ASH1L: variants seen among roughly 807,000 people sequenced by gnomAD.
ASH1L encodes histone-lysine N-methyltransferase ASH1L.
In ASH1L, 23 loss-of-function variants were observed where a neutral mutation model predicts 269.0. The observed-to-expected ratio is 0.09, with a 90% CI of 0.06 to 0.12. ASH1L has a LOEUF of 0.12. ASH1L is among the 10% of genes least tolerant of loss of function. The pLI, the probability that ASH1L is intolerant of heterozygous loss-of-function variation, is 1.00. For synonymous variants in ASH1L, 1,187 were observed against 1,253.5 expected (o/e 0.95, Z 1.12); for missense variants, 2,912 against 3,567.8 (o/e 0.82, Z 4.68).
intron 1 of ASH1L, among the ~76,000 whole-genome samples, chr1:155,559,781 T>C (rs766879555): frequency 1.3e-5 from 2 of 152,160 alleles, no homozygotes; most frequent in Non-Finnish European, 2.9e-5. Context: ...AGACCATATA[T>C]TATTGATTTT....
chr1:155,521,920 A>G (rs1668911914), intron 1 of ASH1L, among the ~76,000 whole-genome samples: 1 of 152,210 alleles, frequency 6.6e-6, no homozygotes, highest in South Asian at 2.1e-4. Context: ...CCTAAAATCA[A>G]AATAACTTTC....
At chr1:155,539,812 G>A (rs904061888) in intron 1 of ASH1L, among the ~76,000 whole-genome samples, 6 of 151,722 alleles carry the variant, frequency 4.0e-5, no homozygotes, top group Admixed American at 2.6e-4. Flanking sequence ...CAGGAAGATC[G>A]CTTGAGGCCA....
chr1:155,401,191 C>T lies in ASH1L; in HGVS notation c.6009-5638G>A, dbSNP rs568623658. 7.9e-5 allele frequency among the ~76,000 whole-genome samples: 12 copies of T among 151,406 alleles called. No individual in the cohort carries two copies. In the East Asian group the frequency reaches 1.2e-3, roughly 15 times the overall value. Reference sequence around the variant, plus strand: ...AAAAAAAAGTGTTAAAAAAGATCGCCGGTGGCCGGGCATGGTGGCTCACAC... The same window carrying T: ...AAAAAAAAGTGTTAAAAAAGATCGCTGGTGGCCGGGCATGGTGGCTCACAC... On this transcript the variant is annotated intron_variant, in intron 6 of 27. Coordinates refer to ENST00000392403, the MANE Select transcript of ASH1L (RefSeq NM_018489.3).
chr1:155,533,451 C>T (rs534633445), intron 1 of ASH1L, among the ~76,000 whole-genome samples: 11 of 151,870 alleles, frequency 7.2e-5, no homozygotes, highest in Admixed American at 2.6e-4. Flanking sequence ...TGGTGGCTCA[C>T]ACCTGTAATC....
At chr1:155,363,775 C>T (rs565764286) in intron 12 of ASH1L, among the ~76,000 whole-genome samples, 1 of 151,144 alleles carries the variant, frequency 6.6e-6, no homozygotes, top group Non-Finnish European at 1.5e-5. Context: ...GAGTTCGAGA[C>T]CAGCCTGGAC....
intron 1 of ASH1L, among the ~76,000 whole-genome samples, chr1:155,555,261 C>T (rs938124411): frequency 1.3e-5 from 2 of 151,442 alleles, no homozygotes; most frequent in African/African-American, 4.9e-5. Context: ...GTTTGGGAGG[C>T]CGATGCGGGC....
chr1:155,524,770 G>A (rs1380137508), intron 1 of ASH1L, among the ~76,000 whole-genome samples: 1 of 152,032 alleles, frequency 6.6e-6, no homozygotes, highest in East Asian at 1.9e-4. Flanking sequence ...AGCCCAGGAA[G>A]TTGAGGTTAC....
chr1:155,464,937 TAAAG>T (rs1052358596), intron 3 of ASH1L, among the ~76,000 whole-genome samples: 1 of 152,034 alleles, frequency 6.6e-6, no homozygotes, highest in African/African-American at 2.4e-5. Flanking sequence ...AACTGGATCA[TAAAG>T]AAATAAGATT....
intron 10 of ASH1L, among the ~76,000 whole-genome samples, chr1:155,375,077 G>T (rs928419478): frequency 6.6e-6 from 1 of 152,128 alleles, no homozygotes; most frequent in African/African-American, 2.4e-5. Flanking sequence ...GCCTCCCAAA[G>T]TGTTGGGATT....
At chr1:155,339,509 T>G (rs776386519) in intron 25 of ASH1L, 141 bp from the exon 26 acceptor site, 6 of 633,432 alleles carry the variant, frequency 9.5e-6, no homozygotes, top group Non-Finnish European at 1.4e-5. Flanking sequence ...AATTTAGTAC[T>G]TCTATGAATA....
intron 12 of ASH1L, among the ~76,000 whole-genome samples, chr1:155,368,075 A>G (rs1244679218): frequency 6.6e-6 from 1 of 152,066 alleles, no homozygotes; most frequent in Non-Finnish European, 1.5e-5. Context: ...TGATCACAGG[A>G]AACTACAGCC....
rs1656494639 is a variant in ASH1L at position 155,376,841 on chromosome 1, C to G, written c.6332+1440G>C. Among the ~76,000 whole-genome samples the G allele has an allele frequency of 2.0e-5, 3 of 150,240 alleles. No homozygotes were observed. The South Asian group carries it at 6.3e-4, about 32-fold the overall frequency. ...CTGCACTCCAGCCTGGGTAACAGAG[C>G]TAGACTCCATCTCAGAAAAAGAAAA... is the stretch of plus-strand genomic sequence containing the variant. On this transcript the variant is annotated intron_variant, in intron 10 of 27. Transcript: ENST00000392403.
chr1:155,486,994 C>T (rs1330002497), intron 2 of ASH1L, among the ~76,000 whole-genome samples: 1 of 152,086 alleles, frequency 6.6e-6, no homozygotes, highest in East Asian at 1.9e-4. Context: ...GGAGAAACCC[C>T]GTCTGAAATG....
In ASH1L at chr1:155,478,908, C is replaced by T. The variant is rs1358026443; in HGVS notation, c.3962G>A (p.Arg1321Gln). 2.5e-6 allele frequency: 4 copies of T among 1,613,400 alleles called. No homozygotes were observed. Among genetic ancestry groups the T allele is most frequent in the Non-Finnish European group, 3.4e-6 (4 of 1,179,920 alleles). ...IPRDLLPTIF[R>Q]INFNSFYTHP... is the part of the protein sequence containing the mutation. ...TGTATAGAAACTATTAAAGTTGATT[C>T]GAAAGATAGTTGGCAGAAGATCTCG... is the stretch of plus-strand genomic sequence containing the variant. The change falls in exon 3 of 28, where the codon CGA becomes CAA. Residue 1321 changes from arginine (R) to glutamine (Q), a missense_variant. By Grantham distance (43) the Arg-to-Gln change is conservative (BLOSUM62 1). This residue lies in a region of ASH1L where 789 missense variants were observed against 897.6 expected (regional missense o/e 0.88). Transcript: ENST00000392403. This position sits in a 1 kb window ranked among gnomAD's most constrained non-coding sequence, Gnocchi z 4.6.
chr1:155,341,322 A>G lies in ASH1L; in HGVS notation c.8460+614T>C, dbSNP rs550795817. ...CTCCCGAGTAGCTGGGACCACAGGC[A>G]CCTGCCACCACACCTGGCTAATTTG... On this transcript the variant is annotated intron_variant, in intron 25 of 27. Transcript: ENST00000392403. Among the ~76,000 whole-genome samples the G allele has an allele frequency of 3.3e-3, 508 of 151,752 alleles. 2 individuals are homozygous for G. The highest frequency in any genetic ancestry group is 0.012 in the African/African-American group (486 of 41,370).
chr1:155,428,419 G>GC (rs1661337118), intron 5 of ASH1L, among the ~76,000 whole-genome samples: 1 of 148,864 alleles, frequency 6.7e-6, no homozygotes, highest in African/African-American at 2.4e-5. Context: ...TCTAGCTTAG[G>GC]CGACAACAAT....
intron 1 of ASH1L, among the ~76,000 whole-genome samples, chr1:155,535,866 C>T (rs150985465): frequency 1.8e-3 from 268 of 152,028 alleles, no homozygotes; most frequent in African/African-American, 6.1e-3. Flanking sequence ...GGCGTGGTGG[C>T]GCATGCCTGT....
chr1:155,394,872 GCTA>G (rs771894153), intron 7 of ASH1L, among the ~76,000 whole-genome samples: 2 of 152,092 alleles, frequency 1.3e-5, no homozygotes, highest in Non-Finnish European at 2.9e-5. Flanking sequence ...ACACTGAATG[GCTA>G]CTACTTGGTT....
chr1:155,540,774 C>T (rs1313599309), intron 1 of ASH1L, among the ~76,000 whole-genome samples: 1 of 152,034 alleles, frequency 6.6e-6, no homozygotes, highest in African/African-American at 2.4e-5. Context: ...GTCTTAACAA[C>T]AACAACAACA....
Sources: gnomAD v4.1 joint callset for allele counts (sites outside exome capture counted in the v4.1 genomes callset) on GRCh38, gnomAD v4.1.1 for gene constraint, gnomAD v4.1.1 regional missense constraint, Gnocchi (gnomAD v3.1) non-coding constraint, MANE v1.5 for transcripts, NCBI Gene and HGNC (gene_info 2026-07-23, HGNC 2026-07-21) for gene names.